GLIS1: variants seen among roughly 807,000 people sequenced by gnomAD.
The protein encoded by GLIS1 is zinc finger protein GLIS1.
Under a neutral mutation model 63.8 loss-of-function variants are expected in GLIS1, and 24 were observed. That is an observed-to-expected ratio of 0.38 (90% CI 0.27 to 0.53). The LOEUF (loss-of-function observed/expected upper bound fraction) is 0.53, where lower values mean the gene tolerates loss of function less well. Among genes scored for constraint, GLIS1 ranks in the 20% least tolerant of loss-of-function variants. GLIS1 has a pLI of 0.85. For synonymous variants in GLIS1, 450 were observed against 482.5 expected (o/e 0.93, Z 0.88); for missense variants, 1,036 against 1,074.1 (o/e 0.96, Z 0.50).
At chr1:53,525,247 C>T (rs1172832286) in intron 5 of GLIS1, among the ~76,000 whole-genome samples, 2 of 151,544 alleles carry the variant, frequency 1.3e-5, no homozygotes, top group Non-Finnish European at 2.9e-5. Flanking sequence ...AAGCATTGAG[C>T]AGACAGGGAG....
chr1:53,583,201 A>C (rs982886183), intron 4 of GLIS1, among the ~76,000 whole-genome samples: 1 of 152,172 alleles, frequency 6.6e-6, no homozygotes, highest in African/African-American at 2.4e-5. Context: ...CACTCTGTGC[A>C]TTTCAGTGAC....
chr1:53,705,429 T>C (rs918514200), intron 2 of GLIS1, among the ~76,000 whole-genome samples: 1 of 152,188 alleles, frequency 6.6e-6, no homozygotes, highest in Non-Finnish European at 1.5e-5. Flanking sequence ...AGAAAGTCAA[T>C]GTTGCCAAAA....
intron 4 of GLIS1, among the ~76,000 whole-genome samples, chr1:53,586,768 C>G (rs1645140583): frequency 6.6e-6 from 1 of 152,204 alleles, no homozygotes; most frequent in African/African-American, 2.4e-5. Flanking sequence ...TAAAGTCCCA[C>G]CAATGTTGTG....
chr1:53,668,307 T>C (rs1433560769), intron 2 of GLIS1, among the ~76,000 whole-genome samples: 1 of 152,154 alleles, frequency 6.6e-6, no homozygotes, highest in Non-Finnish European at 1.5e-5. Flanking sequence ...ATATATAACA[T>C]CAGTGGTCCC....
chr1:53,716,913 A>T (rs991279286), intron 2 of GLIS1, among the ~76,000 whole-genome samples: 2 of 152,244 alleles, frequency 1.3e-5, no homozygotes, highest in Non-Finnish European at 2.9e-5. Context: ...AACGAATGGG[A>T]AAAACCCCAC....
In GLIS1 at chr1:53,672,841, C is replaced by A. The variant is rs566330721; in HGVS notation, c.259+64965G>T. On this transcript the variant is annotated intron_variant, in intron 2 of 10. Transcript: ENST00000628545. ...CTCAGGGCTGGGTATAAAAGCGGGC[C>A]GTGATCTCCCAAATGTAGCTGCCCA... is the stretch of plus-strand genomic sequence containing the variant. 3.9e-5 allele frequency among the ~76,000 whole-genome samples: 6 copies of A among 152,298 alleles called. No individual in the cohort carries two copies. In the East Asian group the frequency reaches 1.2e-3, roughly 29 times the overall value.
At chr1:53,632,786 G>A (rs67752113) in intron 2 of GLIS1, among the ~76,000 whole-genome samples, 34,923 of 148,704 alleles carry the variant, frequency 0.23, 4,082 homozygotes, top group East Asian at 0.39. Context: ...GTGAATGAGT[G>A]TGACTGAGGA....
chr1:53,600,585 A>C (rs1182778204), intron 2 of GLIS1, among the ~76,000 whole-genome samples: 2 of 152,180 alleles, frequency 1.3e-5, no homozygotes, highest in African/African-American at 2.4e-5. Flanking sequence ...AAACACTGGT[A>C]AACAAGAGAA....
At chr1:53,668,975 G>A (rs1646124218) in intron 2 of GLIS1, among the ~76,000 whole-genome samples, 1 of 152,118 alleles carries the variant, frequency 6.6e-6, no homozygotes, top group Non-Finnish European at 1.5e-5. Context: ...ATTTTACAAG[G>A]TGCTTTCATA....
At chr1:53,735,010 C>A (rs1646899847) in intron 2 of GLIS1, among the ~76,000 whole-genome samples, 1 of 152,188 alleles carries the variant, frequency 6.6e-6, no homozygotes, top group Admixed American at 6.5e-5. Context: ...GATTCCAGAT[C>A]AAATACACAG....
chr1:53,586,772 T>C (rs1261847734), intron 4 of GLIS1, among the ~76,000 whole-genome samples: 4 of 152,150 alleles, frequency 2.6e-5, no homozygotes, highest in East Asian at 3.8e-4. Flanking sequence ...GTCCCACCAA[T>C]GTTGTGACTT....
At chr1:53,527,700 G>A (rs1281709256) in intron 5 of GLIS1, among the ~76,000 whole-genome samples, 1 of 152,254 alleles carries the variant, frequency 6.6e-6, no homozygotes, top group Non-Finnish European at 1.5e-5. Context: ...CCTGACCCGA[G>A]GGGCCTCTGG....
In GLIS1 at chr1:53,509,155, C is replaced by T; in HGVS notation, c.2195G>A (p.Gly732Asp). Residue 732 changes from glycine (G) to aspartate (D), a missense_variant, in exon 10 of 11, where the codon GGC becomes GAC. This residue lies in a region of GLIS1 where 400 missense variants were observed against 400.9 expected (regional missense o/e 1.00). Transcript: ENST00000628545. ...CAAGGGCGTGCTGAGGCTGTGGTAG[C>T]CATTGGGCCGCAGGGGGTTGAAACC... ...THGFNPLRPN[G>D]YHSLSTPLPA... The T allele has an allele frequency of 1.3e-6, 2 of 1,596,774 alleles. No homozygotes were observed. The highest frequency in any genetic ancestry group is 1.7e-6 in the Non-Finnish European group (2 of 1,171,654).
intron 2 of GLIS1, among the ~76,000 whole-genome samples, chr1:53,714,207 A>G (rs1646674649): frequency 2.6e-5 from 4 of 152,030 alleles, no homozygotes; most frequent in Admixed American, 2.0e-4. Flanking sequence ...CCAACAAGTC[A>G]TTCATCTTCT....
At chr1:53,710,270 T>C (rs1338281056) in intron 2 of GLIS1, among the ~76,000 whole-genome samples, 4 of 152,376 alleles carry the variant, frequency 2.6e-5, no homozygotes, top group East Asian at 1.9e-4. Context: ...ATGCAGCCCA[T>C]GGCCTTTCAC....
chr1:53,640,951 C>T (rs934673420), intron 2 of GLIS1, among the ~76,000 whole-genome samples: 2 of 152,146 alleles, frequency 1.3e-5, no homozygotes, highest in Non-Finnish European at 2.9e-5. Context: ...AAGGCACACT[C>T]TTAGGCCTCT....
intron 6 of GLIS1, among the ~76,000 whole-genome samples, chr1:53,523,343 T>C (rs1041557344): frequency 2.6e-5 from 4 of 152,084 alleles, no homozygotes; most frequent in Admixed American, 2.6e-4. Context: ...TCCCCTCCCA[T>C]CTTCTTTCCC....
At chr1:53,550,094 T>C (rs1644743543) in intron 4 of GLIS1, among the ~76,000 whole-genome samples, 1 of 152,218 alleles carries the variant, frequency 6.6e-6, no homozygotes, top group Non-Finnish European at 1.5e-5. Flanking sequence ...TGATATTTTC[T>C]CTCTCCTTTG....
At chr1:53,700,487 C>T (rs1646511954) in intron 2 of GLIS1, among the ~76,000 whole-genome samples, 1 of 151,604 alleles carries the variant, frequency 6.6e-6, no homozygotes, top group African/African-American at 2.4e-5. Flanking sequence ...TGAACAAATG[C>T]ATGGCCTCTG....
Sources: gnomAD v4.1 joint callset for allele counts (sites outside exome capture counted in the v4.1 genomes callset) on GRCh38, gnomAD v4.1.1 for gene constraint, gnomAD v4.1.1 regional missense constraint, MANE v1.5 for transcripts, NCBI Gene and HGNC (gene_info 2026-07-23, HGNC 2026-07-21) for gene names.